Variants in CELF5 observed in about 807,000 individuals in gnomAD.
CELF5 encodes the protein CUGBP Elav-like family member 5.
CELF5 carries 6 observed loss-of-function variants against 54.9 expected under a neutral mutation model. That is an observed-to-expected ratio of 0.11 (90% CI 0.06 to 0.22). The LOEUF is 0.22. CELF5 is among the 10% of genes least tolerant of loss of function. The pLI, the probability that CELF5 is intolerant of heterozygous loss-of-function variation, is 1.00. For synonymous variants in CELF5, 271 were observed against 290.9 expected (o/e 0.93, Z 0.70); for missense variants, 401 against 678.6 (o/e 0.59, Z 4.54).
chr19:3,267,552 CAG>C (rs1244105688), intron 2 of CELF5, among the ~76,000 whole-genome samples: 1 of 152,194 alleles, frequency 6.6e-6, no homozygotes, highest in Non-Finnish European at 1.5e-5. Context: ...AACACTGGGA[CAG>C]TGCGGGGAGG....
At chr19:3,264,932 C>G (rs544226939) in intron 2 of CELF5, among the ~76,000 whole-genome samples, 61 of 151,760 alleles carry the variant, frequency 4.0e-4, no homozygotes, top group Admixed American at 7.2e-4. Flanking sequence ...CCAGGTTGGT[C>G]TCAAACTCTG....
At position 3,236,363 on chromosome 19, in the gene CELF5, T is replaced by C. The variant is rs73517138; in HGVS notation, c.259+11365T>C. Among the ~76,000 whole-genome samples, 1,493 of 151,974 alleles carry C rather than the reference T, an allele frequency of 9.8e-3. 26 individuals are homozygous for C. The highest frequency in any genetic ancestry group is 0.034 in the African/African-American group (1,427 of 41,428). On this transcript the variant is annotated intron_variant, in intron 1 of 12. Coordinates refer to ENST00000292672, the MANE Select transcript of CELF5 (RefSeq NM_021938.4). ...GCATGTGTGGCCTCGTGGTTCCCAT[T>C]TGGTGGATGAGACTGTGAAGGCTCA...
chr19:3,279,729 G>A (rs1010690979), intron 5 of CELF5, among the ~76,000 whole-genome samples: 2 of 152,222 alleles, frequency 1.3e-5, no homozygotes, highest in South Asian at 4.1e-4. Context: ...TTGAGACAGA[G>A]TCTCGCTCTG....
chr19:3,244,926 C>G (rs1048392742), intron 1 of CELF5, among the ~76,000 whole-genome samples: 1 of 116,894 alleles, frequency 8.6e-6, no homozygotes, highest in Admixed American at 9.2e-5. Flanking sequence ...TACATCTGTA[C>G]GTGTGTGTGT....
At chr19:3,258,053 C>T (rs192345828) in intron 2 of CELF5, among the ~76,000 whole-genome samples, 73 of 151,854 alleles carry the variant, frequency 4.8e-4, no homozygotes, top group African/African-American at 1.5e-3. Context: ...CTCCACCTCC[C>T]GGGTTCAAGC....
chr19:3,267,413 T>C (rs1292102148), intron 2 of CELF5, among the ~76,000 whole-genome samples: 1 of 152,218 alleles, frequency 6.6e-6, no homozygotes, highest in Non-Finnish European at 1.5e-5. Context: ...GATCCTGGAA[T>C]GGACCGTGGG....
chr19:3,230,039 T>C (rs536166081), intron 1 of CELF5, among the ~76,000 whole-genome samples: 1 of 152,306 alleles, frequency 6.6e-6, no homozygotes, highest in East Asian at 1.9e-4. Context: ...AATTGGCAAG[T>C]GAGGCCTTGG....
chr19:3,259,249 G>C (rs1038488054), intron 2 of CELF5, among the ~76,000 whole-genome samples: 1 of 152,110 alleles, frequency 6.6e-6, no homozygotes, highest in African/African-American at 2.4e-5. Flanking sequence ...TAGGTAAGGA[G>C]GGGTCTCAAC....
At position 3,279,506 on chromosome 19, in the gene CELF5, G is replaced by C. The variant is rs1198130398; in HGVS notation, c.603+1396G>C. Among the ~76,000 whole-genome samples, 4 of 152,286 alleles carry C rather than the reference G, an allele frequency of 2.6e-5. No individual in the cohort carries two copies. In the East Asian group the frequency reaches 7.7e-4, roughly 29 times the overall value. ...GAGATGTCCCAGGACAGGGCTGGTA[G>C]GCGTCTGGAGGAGTGAGTTCTCTAT... is the stretch of plus-strand genomic sequence containing the variant. On this transcript the variant is annotated intron_variant, in intron 5 of 12. Transcript: ENST00000292672.
Position 3,228,875 on chromosome 19 carries a change from C to CGTGTGTGTGT in CELF5, c.259+3908_259+3917dup, listed in dbSNP as rs60632293. Among the ~76,000 whole-genome samples, 76 of 124,174 alleles carry CGTGTGTGTGT rather than the reference C, an allele frequency of 6.1e-4. 1 individual carries two copies. The highest frequency in any genetic ancestry group is 2.0e-3 in the South Asian group (7 of 3,420). The allele number at this position is 124,174 out of a possible 152,430, so 81.5% of individuals were successfully genotyped here. A position where few individuals can be genotyped will look rare whatever the true frequency, so the allele number is the denominator to read the frequency against. ...GGGGGTGGCTGGCAGGGTTGGCCGG[C>CGTGTGTGTGT]GTGTGTGTGTGTGTGTGTGTGTGTG... On this transcript the variant is annotated intron_variant, in intron 1 of 12. Transcript: ENST00000292672. This position sits in a 1 kb window ranked among gnomAD's most constrained non-coding sequence, Gnocchi z 6.0.
chr19:3,290,937 C>T (rs1013212107), intron 11 of CELF5, among the ~76,000 whole-genome samples: 1 of 151,304 alleles, frequency 6.6e-6, no homozygotes, highest in Non-Finnish European at 1.5e-5. Context: ...GCCTGGGTAA[C>T]ATAATGAGAC....
chr19:3,271,090 T>G (rs958205572), intron 2 of CELF5, among the ~76,000 whole-genome samples: 1 of 149,760 alleles, frequency 6.7e-6, no homozygotes, highest in Non-Finnish European at 1.5e-5. Context: ...CAACAACAAT[T>G]GCCAGCTTCC....
Position 3,290,285 on chromosome 19 carries a change from C to G in CELF5, c.1241C>G (p.Thr414Arg). The part of the protein sequence containing the change: ...IYHLPQEFGD[T>R]ELTQMFLPFG... ...CACCTCCCCCAGGAGTTTGGAGACA[C>G]GGAGCTGACGCAGATGTTCCTACCC... The change falls in exon 11 of 13, where the codon ACG becomes AGG. Residue 414 changes from threonine to arginine, a missense_variant. Coordinates refer to ENST00000292672, the MANE Select transcript of CELF5 (RefSeq NM_021938.4). 1.2e-6 allele frequency: 2 copies of G among 1,613,872 alleles called. No homozygotes were observed. Among genetic ancestry groups the G allele is most frequent in the Non-Finnish European group, 1.7e-6 (2 of 1,179,824 alleles).
intron 2 of CELF5, among the ~76,000 whole-genome samples, chr19:3,267,885 A>G (rs1467326240): frequency 6.6e-6 from 1 of 152,056 alleles, no homozygotes; most frequent in East Asian, 1.9e-4. Flanking sequence ...CCAGAGTGAA[A>G]CCAAACCTGA....
At chr19:3,241,485 C>A (rs577416996) in intron 1 of CELF5, among the ~76,000 whole-genome samples, 2 of 152,030 alleles carry the variant, frequency 1.3e-5, no homozygotes, top group African/African-American at 2.4e-5. Flanking sequence ...CTGTCTACCC[C>A]CTCCAGAACC....
chr19:3,246,050 G>A (rs1351905899), intron 1 of CELF5, among the ~76,000 whole-genome samples: 1 of 152,154 alleles, frequency 6.6e-6, no homozygotes, highest in Non-Finnish European at 1.5e-5. Flanking sequence ...GTCCCTCCTG[G>A]GTATGCTTTT....
At chr19:3,261,413 A>C (rs1454327391) in intron 2 of CELF5, among the ~76,000 whole-genome samples, 1 of 150,702 alleles carries the variant, frequency 6.6e-6, no homozygotes, top group Non-Finnish European at 1.5e-5. Context: ...GCAAGACTCC[A>C]TCTCAGAAAA....
intron 1 of CELF5, among the ~76,000 whole-genome samples, chr19:3,248,019 C>T (rs1175778646): frequency 6.6e-6 from 1 of 152,138 alleles, no homozygotes; most frequent in Non-Finnish European, 1.5e-5. Flanking sequence ...CCGGCCTCTG[C>T]CTCCCAAAGT....
intron 1 of CELF5, among the ~76,000 whole-genome samples, chr19:3,241,509 GGT>G (rs2079490665): frequency 6.6e-6 from 1 of 151,992 alleles, no homozygotes; most frequent in African/African-American, 2.4e-5. Flanking sequence ...AGGCTCTCCA[GGT>G]GTGCAGCAAG....
Sources: gnomAD v4.1 joint callset for allele counts (sites outside exome capture counted in the v4.1 genomes callset) on GRCh38, gnomAD v4.1.1 for gene constraint, Gnocchi (gnomAD v3.1) non-coding constraint, MANE v1.5 for transcripts, NCBI Gene and HGNC (gene_info 2026-07-23, HGNC 2026-07-21) for gene names.